The following ACAT1 variants were observed in gnomAD, a reference collection of about 807,000 sequenced individuals.
ACAT1 encodes the protein acetyl-CoA acetyltransferase, mitochondrial.
ACAT1 carries 28 observed loss-of-function variants against 47.3 expected under a neutral mutation model. That is an observed-to-expected ratio of 0.59 (90% CI 0.44 to 0.81). The LOEUF is 0.81. Among genes scored for constraint, ACAT1 ranks in the 30% least tolerant of loss-of-function variants. The pLI, the probability that ACAT1 is intolerant of heterozygous loss-of-function variation, is 0.00. For synonymous variants in ACAT1, 181 were observed against 173.6 expected (o/e 1.04, Z -0.34); for missense variants, 469 against 524.3 (o/e 0.89, Z 1.03).
At chr11:108,135,373 C>G in intron 5 of ACAT1, 131 bp downstream of exon 5, 1 of 727,218 alleles carries the variant, frequency 1.4e-6, no homozygotes, top group Non-Finnish European at 2.4e-6. Context: ...CTCACATGCT[C>G]AAGAGTGTCT....
intron 10 of ACAT1, among the ~76,000 whole-genome samples, chr11:108,144,736 CAAG>C (rs1342086292): frequency 7.2e-5 from 11 of 151,790 alleles, no homozygotes; most frequent in African/African-American, 2.7e-4. Context: ...CAGTAGGAAA[CAAG>C]AATAGAGAAG....
intron 6 of ACAT1, 193 bp downstream of exon 6, chr11:108,139,234 T>C (rs1313357553): frequency 1.5e-6 from 1 of 676,596 alleles, no homozygotes; most frequent in Non-Finnish European, 2.5e-6. Flanking sequence ...TTTTCCCACA[T>C]TTAAATAGGG....
At chr11:108,129,895 T>C (rs1013390794) in intron 1 of ACAT1, among the ~76,000 whole-genome samples, 4 of 152,080 alleles carry the variant, frequency 2.6e-5, no homozygotes, top group African/African-American at 9.7e-5. Context: ...GGCAGGAGGA[T>C]TGCTTGAGTC....
Position 108,139,009 on chromosome 11 carries a change from G to T in ACAT1, c.547G>T (p.Gly183Trp). ...GCTTGAAGATTTGATTGTAAAAGACGGGCTAACTGATGTCTACAATAAAAT... is the reference window on the plus strand; with the variant it reads ...GCTTGAAGATTTGATTGTAAAAGACTGGCTAACTGATGTCTACAATAAAAT... ...VKLEDLIVKD[G>W]LTDVYNKIHM... The change falls in exon 6 of 12, where the codon GGG (glycine) becomes TGG (tryptophan). Residue 183 changes from glycine (G) to tryptophan (W), a missense_variant. Physicochemically the swap from Gly to Trp is radical, Grantham distance 184. Transcript: ENST00000265838. 6.2e-7 allele frequency: 1 copy of T among 1,614,066 alleles called. No homozygotes were observed. Among genetic ancestry groups the T allele is most frequent in the South Asian group, 1.1e-5 (1 of 91,080 alleles).
At chr11:108,146,004 G>A (rs1267951624) in intron 10 of ACAT1, 198 bp from the exon 11 acceptor site, 6 of 488,404 alleles carry the variant, frequency 1.2e-5, no homozygotes, top group South Asian at 1.0e-4. Flanking sequence ...CCAAGATGGC[G>A]CCATTGCACT....
Position 108,146,357 on chromosome 11 carries a change from T to C in ACAT1, c.1161T>C (p.Ile387=). 6.2e-7 allele frequency: 1 copy of C among 1,613,892 alleles called. No homozygotes were observed. The highest frequency in any genetic ancestry group is 2.2e-5 in the East Asian group (1 of 44,822). The change falls in exon 11 of 12, where the codon ATT becomes ATC. Residue 387 remains isoleucine, a splice_region_variant and synonymous_variant. Transcript: ENST00000265838. The stretch of plus-strand genomic sequence containing the variant: ...GAGCTGTTTCTCTGGGACATCCAAT[T>C]GGGTAGGTAAAAATAATAACTATAT... ...NGGAVSLGHP[I]GMSGARIVGH...
At chr11:108,133,204 A>G (rs2077397127) in intron 2 of ACAT1, among the ~76,000 whole-genome samples, 1 of 152,078 alleles carries the variant, frequency 6.6e-6, no homozygotes, top group African/African-American at 2.4e-5. Flanking sequence ...ATAAAAAAAG[A>G]AATTCTGGCC....
intron 7 of ACAT1, among the ~76,000 whole-genome samples, 166 bp downstream of exon 7, chr11:108,140,381 G>C (rs1476635785): frequency 6.6e-6 from 1 of 152,210 alleles, no homozygotes; most frequent in Non-Finnish European, 1.5e-5. Context: ...CCAACTTAAT[G>C]TCAGATTTCA....
At chr11:108,121,467 C>T (rs1048825599), upstream of ACAT1, 4 of 975,712 alleles carry the variant, frequency 4.1e-6, no homozygotes, top group South Asian at 2.8e-5. Flanking sequence ...CCTTGGCTGC[C>T]GGCCAATCGC....
At chr11:108,140,041 T>TA in intron 6 of ACAT1, 24 bp from the exon 7 acceptor site, 1 of 1,605,864 alleles carries the variant, frequency 6.2e-7, no homozygotes, top group Non-Finnish European at 8.5e-7. Flanking sequence ...AAGTTAACTT[T>TA]AAAATATTTC....
intron 9 of ACAT1, 38 bp from the exon 10 acceptor site, chr11:108,143,945 A>AG: frequency 8.3e-7 from 1 of 1,198,650 alleles, no homozygotes; most frequent in Non-Finnish European, 1.2e-6. Context: ...TAAAAAAAAA[A>AG]AGATTTTAAC....
At chr11:108,139,592 C>G (rs912679156) in intron 6 of ACAT1, among the ~76,000 whole-genome samples, 5 of 150,726 alleles carry the variant, frequency 3.3e-5, no homozygotes, top group Non-Finnish European at 7.4e-5. Flanking sequence ...AACTCCGTCT[C>G]AAAAAAAGAC....
intron 9 of ACAT1, 48 bp from the exon 10 acceptor site, chr11:108,143,935 T>TTA (rs768505178): frequency 2.5e-6 from 2 of 789,112 alleles, no homozygotes; most frequent in African/African-American, 2.0e-5. Context: ...TTCTATACAG[T>TTA]AAAAAAAAAA....
At chr11:108,121,781 C>T in intron 1 of ACAT1, 103 bp downstream of exon 1, 3 of 1,344,452 alleles carry the variant, frequency 2.2e-6, no homozygotes, top group African/African-American at 1.4e-5. Flanking sequence ...GGCCCGGGCG[C>T]GCGGCTTAGG....
Position 108,133,833 on chromosome 11 carries a change from T to C in ACAT1, c.134T>C (p.Val45Ala). Residue 45 changes from valine (V) to alanine (A), a missense_variant, in exon 3 of 12, where the codon GTA (valine) becomes GCA (alanine). Coordinates refer to ENST00000265838, the MANE Select transcript of ACAT1 (RefSeq NM_000019.4). ...GTGTCTTGCCAGGAAGTGGTCATAG[T>C]AAGTGCTACAAGAACACCCATTGGA... ...SKPTLKEVVI[V>A]SATRTPIGSF... 6.2e-7 allele frequency: 1 copy of C among 1,614,028 alleles called. No homozygotes were observed. Among genetic ancestry groups the C allele is most frequent in the Non-Finnish European group, 8.5e-7 (1 of 1,179,920 alleles).
rs559365204 is a variant in ACAT1 at position 108,146,294 on chromosome 11, G to T, written c.1098G>T (p.Met366Ile). 2 of 1,614,010 alleles carry T rather than the reference G, an allele frequency of 1.2e-6. No individual in the cohort carries two copies. Among genetic ancestry groups the T allele is most frequent in the South Asian group, 2.2e-5 (2 of 91,078 alleles). Residue 366 changes from methionine (M) to isoleucine (I), a missense_variant, in exon 11 of 12, where the codon ATG (methionine) becomes ATT (isoleucine). Met to Ile is a conservative substitution (Grantham distance 10). Transcript: ENST00000265838. ...TGGTTGTACTAGCAAACATTAAAATGTTGGAGATTGATCCCCAAAAAGTGA... is the reference window on the plus strand; with the variant it reads ...TGGTTGTACTAGCAAACATTAAAATTTTGGAGATTGATCCCCAAAAAGTGA... ...FSLVVLANIK[M>I]LEIDPQKVNI... is the part of the protein sequence containing the mutation.
chr11:108,146,178 C>T (rs1387964565), intron 10 of ACAT1, 24 bp from the exon 11 acceptor site: 7 of 1,563,906 alleles, frequency 4.5e-6, no homozygotes, highest in Non-Finnish European at 5.3e-6. Flanking sequence ...ATTTGAACAT[C>T]ATCTGTCTTT....
chr11:108,139,160 C>T (rs36076410), intron 6 of ACAT1, 119 bp downstream of exon 6: 13,716 of 1,355,296 alleles, frequency 0.01, 105 homozygotes, highest in African/African-American at 0.035. Context: ...TGATTTTAGC[C>T]GTGTACTTTT....
At chr11:108,130,984 C>G (rs957483406) in intron 1 of ACAT1, among the ~76,000 whole-genome samples, 1 of 152,046 alleles carries the variant, frequency 6.6e-6, no homozygotes, top group African/African-American at 2.4e-5. Flanking sequence ...AACTCCTGAC[C>G]TCCAGTGATA....
Sources: allele counts gnomAD v4.1 joint callset (sites outside exome capture counted in the v4.1 genomes callset), GRCh38; gene constraint gnomAD v4.1.1; transcripts MANE v1.5; gene names NCBI Gene and HGNC (gene_info 2026-07-23, HGNC 2026-07-21).